Variants in SOX5 observed in about 807,000 individuals in gnomAD.
SOX5 encodes the protein transcription factor SOX-5.
SOX5 carries 9 observed loss-of-function variants against 92.0 expected under a neutral mutation model. The observed-to-expected ratio is 0.10, with a 90% confidence interval of 0.06 to 0.17. The LOEUF is 0.17. Ranked by LOEUF, SOX5 falls within the 10% of genes least tolerant of loss-of-function variation. SOX5 has a pLI of 1.00. For synonymous variants in SOX5, 344 were observed against 336.3 expected (o/e 1.02, Z -0.25); for missense variants, 642 against 944.5 (o/e 0.68, Z 4.20).
chr12:24,149,681 T>C (rs965053487), intron 4 of SOX5, among the ~76,000 whole-genome samples: 1 of 152,180 alleles, frequency 6.6e-6, no homozygotes, highest in Non-Finnish European at 1.5e-5. Context: ...ACTCAAAAGA[T>C]ATTCAAGAAT....
At position 23,970,841 on chromosome 12, in the gene SOX5, A is replaced by AAATT. The variant is rs758001783; in HGVS notation, c.-1-74818_-1-74817insAATT. 4.1e-4 allele frequency among the ~76,000 whole-genome samples: 9 copies of AAATT among 21,882 alleles called. 2 individuals carry two copies. Among genetic ancestry groups the AAATT allele is most frequent in the South Asian group, 4.4e-3 (2 of 454 alleles). 14.4% of individuals were successfully genotyped at this position (21,882 alleles called of 152,430 possible). On this transcript the variant is annotated intron_variant, in intron 4 of 4. Transcript: ENST00000446891. Reference sequence around the variant, plus strand: ...ACATGGGACTTTATATATATATATAATTTTTTTTTTTTTTTAAGAAATGGG... The same window carrying AAATT: ...ACATGGGACTTTATATATATATATAAAATTTTTTTTTTTTTTTTTAAGAAATGGG...
At chr12:24,087,994 A>G (rs996657210) in intron 4 of SOX5, among the ~76,000 whole-genome samples, 13 of 152,072 alleles carry the variant, frequency 8.5e-5, no homozygotes, top group Admixed American at 3.9e-4. Context: ...GTGAGTTTCT[A>G]ACGATATCTC....
rs924362725 is a variant in SOX5 at position 23,584,520 on chromosome 12, A to G, written c.1165-8682T>C. The G allele has an allele frequency of 2.6e-6, 4 of 1,517,326 alleles. No individual in the cohort carries two copies. In the African/African-American group the frequency reaches 4.1e-5, roughly 16 times the overall value. 94.0% of individuals were successfully genotyped at this position (1,517,326 alleles called of 1,614,324 possible). On this transcript the variant is annotated intron_variant, in intron 9 of 14. Coordinates refer to ENST00000451604, the MANE Select transcript of SOX5 (RefSeq NM_006940.6). ...ATTACGAGCTCCAATTAATTACATC[A>G]AAGAGTCATTCCCAGTGCTCACATA...
At chr12:23,897,940 C>G (rs2097193929) in intron 1 of SOX5, among the ~76,000 whole-genome samples, 1 of 152,138 alleles carries the variant, frequency 6.6e-6, no homozygotes. Flanking sequence ...AAGGCCTATT[C>G]CAAGTATACT....
intron 1 of SOX5, among the ~76,000 whole-genome samples, chr12:24,419,088 G>A (rs917771599): frequency 6.6e-6 from 1 of 152,084 alleles, no homozygotes; most frequent in Non-Finnish European, 1.5e-5. Context: ...ACCTCCGCTA[G>A]AGTCCTCATT....
chr12:24,104,259 A>C (rs1481960973), intron 4 of SOX5, among the ~76,000 whole-genome samples: 1 of 152,232 alleles, frequency 6.6e-6, no homozygotes, highest in Non-Finnish European at 1.5e-5. Context: ...TAGTTCAAAA[A>C]TTCCATATCA....
At position 23,788,027 on chromosome 12, in the gene SOX5, T is replaced by C. The variant is rs183332845; in HGVS notation, c.482-32303A>G. 1.0e-3 allele frequency among the ~76,000 whole-genome samples: 154 copies of C among 151,740 alleles called. 1 individual carries two copies. Among genetic ancestry groups the C allele is most frequent in the African/African-American group, 3.7e-3 (152 of 41,406 alleles). ...TATTTGATATTGGAATTTGAATATA[T>C]ATTATACTAGATATAACAAAAAGAC... On this transcript the variant is annotated intron_variant, in intron 3 of 14. Transcript: ENST00000451604.
intron 1 of SOX5, among the ~76,000 whole-genome samples, chr12:24,457,502 C>T (rs1943151125): frequency 6.6e-6 from 1 of 152,064 alleles, no homozygotes; most frequent in Non-Finnish European, 1.5e-5. Flanking sequence ...GGCATACAGA[C>T]ACAACATTTT....
intron 1 of SOX5, among the ~76,000 whole-genome samples, chr12:23,933,269 C>A (rs1392263610): frequency 6.6e-6 from 1 of 151,582 alleles, no homozygotes; most frequent in Non-Finnish European, 1.5e-5. Flanking sequence ...CCAGCTTTAC[C>A]CACGCTATAT....
intron 8 of SOX5, among the ~76,000 whole-genome samples, chr12:23,631,049 T>C (rs1360460445): frequency 6.6e-6 from 1 of 152,034 alleles, no homozygotes; most frequent in African/African-American, 2.4e-5. Flanking sequence ...TGTAATGCAA[T>C]TTGTATGTCC....
At chr12:23,539,964 C>CAACT (rs1941562734) in intron 13 of SOX5, among the ~76,000 whole-genome samples, 1 of 151,960 alleles carries the variant, frequency 6.6e-6, no homozygotes, top group South Asian at 2.1e-4. Flanking sequence ...TTAGCTTAAC[C>CAACT]AACTGACAAG....
intron 2 of SOX5, among the ~76,000 whole-genome samples, chr12:24,320,093 T>TA (rs1457621432): frequency 1.3e-5 from 2 of 152,210 alleles, no homozygotes; most frequent in African/African-American, 4.8e-5. Context: ...ACCACAGTGA[T>TA]AAAACTCCAG....
intron 1 of SOX5, among the ~76,000 whole-genome samples, chr12:24,448,726 G>T (rs1342816579): frequency 2.6e-5 from 4 of 151,976 alleles, no homozygotes; most frequent in Admixed American, 6.6e-5. Flanking sequence ...TTTTAACTGT[G>T]GGTAGACCTT....
intron 2 of SOX5, among the ~76,000 whole-genome samples, chr12:24,297,765 T>C (rs1020906423): frequency 6.6e-6 from 1 of 152,202 alleles, no homozygotes; most frequent in Non-Finnish European, 1.5e-5. Context: ...AGGAAAAGAA[T>C]TGTGCAAGGG....
In SOX5 at chr12:24,147,992, G is replaced by A. The variant is rs60000443; in HGVS notation, c.-2+65351C>T. Among the ~76,000 whole-genome samples, 552 of 152,226 alleles carry A rather than the reference G, an allele frequency of 3.6e-3. 5 individuals are homozygous for A. The highest frequency in any genetic ancestry group is 0.013 in the African/African-American group (538 of 41,566). On this transcript the variant is annotated intron_variant, in intron 4 of 4. Coordinates refer to the SOX5 transcript ENST00000446891. ...CTCTCCAAATCATTCCATAGATTAT[G>A]AACAATGATTCCAACATGATCCCAA...
chr12:24,544,367 G>A (rs1952420299), intron 1 of SOX5, among the ~76,000 whole-genome samples: 1 of 152,056 alleles, frequency 6.6e-6, no homozygotes, highest in Non-Finnish European at 1.5e-5. Flanking sequence ...CACTAATAAA[G>A]ATATCTTTTC....
Position 24,372,329 on chromosome 12 carries a change from T to C in SOX5, c.-250-3690A>G, listed in dbSNP as rs571948053. Among the ~76,000 whole-genome samples the C allele has an allele frequency of 4.6e-5, 7 of 152,244 alleles. No individual in the cohort carries two copies. The South Asian group carries it at 1.5e-3, about 32-fold the overall frequency. ...CCCAGTGTGTGATGCCGCCTACTCC[T>C]GTGTCCATGTGTTCTCACTGTTCAA... On this transcript the variant is annotated intron_variant, in intron 1 of 4. Coordinates refer to the SOX5 transcript ENST00000446891.
At chr12:23,865,078 G>A (rs1386097108) in intron 2 of SOX5, among the ~76,000 whole-genome samples, 2 of 152,146 alleles carry the variant, frequency 1.3e-5, no homozygotes, top group South Asian at 2.1e-4. Context: ...AAATGCTAGG[G>A]CCCTAAAGAA....
intron 2 of SOX5, among the ~76,000 whole-genome samples, chr12:23,850,999 C>G (rs1289226735): frequency 2.0e-5 from 3 of 151,632 alleles, no homozygotes; most frequent in Non-Finnish European, 4.4e-5. Flanking sequence ...TATACCTGAC[C>G]TAAATATATA....
Sources: gnomAD v4.1 joint callset for allele counts (sites outside exome capture counted in the v4.1 genomes callset) on GRCh38, gnomAD v4.1.1 for gene constraint, MANE v1.5 for transcripts, NCBI Gene and HGNC (gene_info 2026-07-23, HGNC 2026-07-21) for gene names.